Variants in SRRM3 observed in about 807,000 individuals in gnomAD.
SRRM3 encodes the protein serine/arginine repetitive matrix protein 3.
Under a neutral mutation model 66.2 loss-of-function variants are expected in SRRM3, and 27 were observed. That is an observed-to-expected ratio of 0.41 (90% CI 0.30 to 0.56). SRRM3 has a LOEUF of 0.56. Among genes scored for constraint, SRRM3 ranks in the 20% least tolerant of loss-of-function variants. The pLI, the probability that SRRM3 is intolerant of heterozygous loss-of-function variation, is 0.32. For missense variants in SRRM3, 918 were observed against 991.9 expected, an observed-to-expected ratio of 0.93 and a Z score of 1.00; for synonymous variants, 391 against 414.9, an observed-to-expected ratio of 0.94 and a Z score of 0.70.
Position 76,235,154 on chromosome 7 carries a change from G to A in SRRM3, c.88G>A (p.Gly30Arg). Reference sequence around the variant, plus strand: ...CTTCCCGCAGCCCAGCTCCTCCTCGGGGACCTGGCCGCGGGCGGAAGAGGA... The same window carrying A: ...CTTCCCGCAGCCCAGCTCCTCCTCGAGGACCTGGCCGCGGGCGGAAGAGGA... ...NGFPQPSSSS[G>R]TWPRAEEELR... Residue 30 changes from glycine (G) to arginine (R), a missense_variant, in exon 2 of 15, where the codon GGG becomes AGG. Coordinates refer to ENST00000611745, the MANE Select transcript of SRRM3 (RefSeq NM_001110199.3). The A allele has an allele frequency of 6.4e-7, 1 of 1,559,866 alleles. No homozygotes were observed.
chr7:76,207,141 A>T (rs1211954379), intron 1 of SRRM3, among the ~76,000 whole-genome samples: 1 of 152,170 alleles, frequency 6.6e-6, no homozygotes, highest in Non-Finnish European at 1.5e-5. Context: ...AAAAAAAAAT[A>T]AAAATAAAAA....
At chr7:76,230,647 AG>A (rs1554604155) in intron 1 of SRRM3, among the ~76,000 whole-genome samples, 1 of 151,492 alleles carries the variant, frequency 6.6e-6, no homozygotes, top group African/African-American at 2.4e-5. Context: ...AGAGTCAGGA[AG>A]GGAAGGGAAG....
rs1554604623 is a variant in SRRM3, at chr7:76,235,076, A to T, written c.10A>T (p.Thr4Ser). 1 of 1,577,360 alleles carries T rather than the reference A, an allele frequency of 6.3e-7. No homozygotes were observed. The highest frequency in any genetic ancestry group is 1.8e-5 in the Admixed American group (1 of 55,734). The change falls in exon 2 of 15, where the codon ACC (threonine) becomes TCC (serine). Residue 4 changes from threonine to serine, a missense_variant. Physicochemically the swap from Thr to Ser is moderately conservative, Grantham distance 58. Transcript: ENST00000611745. Reference sequence around the variant, plus strand: ...TCCAGGGCCAGCCACGATGTCCTCCACCGTGAACAACGGGGCGGCCAGCAT... The same window carrying T: ...TCCAGGGCCAGCCACGATGTCCTCCTCCGTGAACAACGGGGCGGCCAGCAT... The part of the protein sequence containing the change: MSS[T>S]VNNGAASMQS...
chr7:76,209,221 C>T (rs1171204905), intron 1 of SRRM3, among the ~76,000 whole-genome samples: 6 of 152,286 alleles, frequency 3.9e-5, no homozygotes, highest in East Asian at 1.9e-4. Context: ...GGGCACAGCA[C>T]GAGGCCCGAG....
intron 1 of SRRM3, among the ~76,000 whole-genome samples, chr7:76,231,214 A>G (rs1260525145): frequency 1.3e-5 from 2 of 152,146 alleles, no homozygotes; most frequent in African/African-American, 4.8e-5. Flanking sequence ...CCTGCTGCAG[A>G]TTCCCACCTG....
Position 76,266,489 on chromosome 7 carries a change from T to A in SRRM3, c.831-769T>A, listed in dbSNP as rs1180053555. On this transcript the variant is annotated intron_variant, in intron 10 of 14. Coordinates refer to ENST00000611745, the MANE Select transcript of SRRM3 (RefSeq NM_001110199.3). ...ATTATAAATATTTATATATTTTATATATTTATATATTTAATATATAAATAT... is the reference window on the plus strand; with the variant it reads ...ATTATAAATATTTATATATTTTATAAATTTATATATTTAATATATAAATAT... 5.6e-3 allele frequency among the ~76,000 whole-genome samples: 624 copies of A among 111,300 alleles called. 5 individuals carry two copies. The highest frequency in any genetic ancestry group is 0.022 in the African/African-American group (594 of 26,748). The allele number at this position is 111,300 out of a possible 152,430, so 73.0% of individuals were successfully genotyped here.
intron 11 of SRRM3, among the ~76,000 whole-genome samples, chr7:76,277,969 T>C (rs1219684866): frequency 6.6e-6 from 1 of 152,198 alleles, no homozygotes; most frequent in Non-Finnish European, 1.5e-5. Flanking sequence ...ACCTCATATG[T>C]GTTCACTTTG....
chr7:76,264,914 C>T, intron 9 of SRRM3, 99 bp downstream of exon 9: 1 of 1,307,406 alleles, frequency 7.6e-7, no homozygotes, highest in Non-Finnish European at 1.1e-6. Flanking sequence ...TTAAAGGTAG[C>T]TCATTTTGCC....
At chr7:76,245,536 A>G (rs1024093055) in intron 2 of SRRM3, among the ~76,000 whole-genome samples, 8 of 152,242 alleles carry the variant, frequency 5.3e-5, no homozygotes, top group Admixed American at 4.6e-4. Flanking sequence ...TAAGCACATC[A>G]TGGAGAATAT....
chr7:76,281,501 C>T lies in SRRM3; in HGVS notation c.1069C>T (p.Pro357Ser). Residue 357 changes from proline to serine, a missense_variant, in exon 12 of 15, where the codon CCC (proline) becomes TCC (serine). Physicochemically the swap from Pro to Ser is moderately conservative, Grantham distance 74 (BLOSUM62 -1). Coordinates refer to ENST00000611745, the MANE Select transcript of SRRM3 (RefSeq NM_001110199.3). ...GGCGGCGGCCGCCGCACCCACGCCG[C>T]CCGCGCGGGGGAAGGAGAGCCCGAG... ...DKAAAAAPTP[P>S]ARGKESPSPR... 2 of 1,219,116 alleles carry T rather than the reference C, an allele frequency of 1.6e-6. No homozygotes were observed. The highest frequency in any genetic ancestry group is 2.5e-4 in the Middle Eastern group (1 of 4,036). The allele number at this position is 1,219,116 out of a possible 1,614,324, so 75.5% of individuals were successfully genotyped here.
chr7:76,233,296 G>T (rs1801056195), intron 1 of SRRM3, among the ~76,000 whole-genome samples: 1 of 152,176 alleles, frequency 6.6e-6, no homozygotes, highest in Admixed American at 6.5e-5. Context: ...CTGGGTGATA[G>T]AGTGAGACCC....
chr7:76,241,807 T>C (rs1290825454), intron 2 of SRRM3, among the ~76,000 whole-genome samples: 5 of 152,176 alleles, frequency 3.3e-5, no homozygotes, highest in Admixed American at 6.5e-5. Context: ...TCTGGCCAGT[T>C]GCTACCATTC....
chr7:76,247,041 T>C lies in SRRM3; in HGVS notation c.234-1147T>C, dbSNP rs921493465. Among the ~76,000 whole-genome samples the C allele has an allele frequency of 2.6e-5, 4 of 152,194 alleles. No homozygotes were observed. In the South Asian group the frequency reaches 8.3e-4, roughly 32 times the overall value. ...TGCCAGGCACGGGGCCAGGGCTGCA[T>C]GATCAAAGACCTCCAGGGGCAGTGT... is the stretch of plus-strand genomic sequence containing the variant. On this transcript the variant is annotated intron_variant, in intron 2 of 14. Transcript: ENST00000611745.
intron 3 of SRRM3, among the ~76,000 whole-genome samples, chr7:76,255,938 G>A (rs546029264): frequency 2.0e-4 from 30 of 152,230 alleles, no homozygotes; most frequent in African/African-American, 7.0e-4. Context: ...TCTGTTTAAC[G>A]GTGGCTACCC....
intron 1 of SRRM3, among the ~76,000 whole-genome samples, chr7:76,225,467 T>TCCCCGCCCC (rs1800838862): frequency 3.1e-5 from 3 of 98,084 alleles, no homozygotes; most frequent in Non-Finnish European, 6.4e-5. Flanking sequence ...GCTGCCCCCC[T>TCCCCGCCCC]CCCCGCCCCC....
intron 2 of SRRM3, among the ~76,000 whole-genome samples, chr7:76,238,591 A>G (rs1033090484): frequency 3.3e-5 from 5 of 150,658 alleles, no homozygotes; most frequent in African/African-American, 1.2e-4. Context: ...CTTTCTGACG[A>G]GATGCTCCCA....
Position 76,285,767 on chromosome 7 carries a change from G to A in SRRM3, c.1886G>A (p.Ser629Asn), listed in dbSNP as rs1554612730. 2.6e-6 allele frequency: 4 copies of A among 1,550,900 alleles called. No individual in the cohort carries two copies. The highest frequency in any genetic ancestry group is 1.7e-4 in the Middle Eastern group (1 of 5,752). The change falls in exon 15 of 15, where the codon AGC becomes AAC. Residue 629 changes from serine (S) to asparagine (N), a missense_variant. Ser to Asn is a conservative substitution (Grantham distance 46). Coordinates refer to ENST00000611745, the MANE Select transcript of SRRM3 (RefSeq NM_001110199.3). The surrounding 1 kb of genome is among the most constrained non-coding windows in gnomAD (Gnocchi z 4.1). ...SYSSRSHGTRSRTRSPSRTPS... is the reference protein window; with the variant it reads ...SYSSRSHGTRNRTRSPSRTPS... ...AGCAGTCGCAGCCATGGGACCCGCA[G>A]CCGGACACGCAGCCCCTCGAGGACC...
At chr7:76,256,545 C>A (rs964932794) in intron 3 of SRRM3, among the ~76,000 whole-genome samples, 1 of 151,898 alleles carries the variant, frequency 6.6e-6, no homozygotes, top group Non-Finnish European at 1.5e-5. Context: ...GACAGAGCAG[C>A]CCCGAGGGCT....
intron 1 of SRRM3, among the ~76,000 whole-genome samples, chr7:76,228,270 T>G (rs1003930325): frequency 6.6e-6 from 1 of 152,196 alleles, no homozygotes; most frequent in African/African-American, 2.4e-5. Flanking sequence ...CTAGATGACT[T>G]GCCTGTGAGA....
Sources: gnomAD v4.1 joint callset for allele counts (sites outside exome capture counted in the v4.1 genomes callset) on GRCh38, gnomAD v4.1.1 for gene constraint, Gnocchi (gnomAD v3.1) non-coding constraint, MANE v1.5 for transcripts, NCBI Gene and HGNC (gene_info 2026-07-23, HGNC 2026-07-21) for gene names.